SUZ12: variants seen among roughly 807,000 people sequenced by gnomAD.
SUZ12 encodes the protein polycomb protein SUZ12.
In SUZ12, 17 loss-of-function variants were observed where a neutral mutation model predicts 87.3. The observed-to-expected ratio is 0.19, with a 90% CI of 0.13 to 0.29. SUZ12 has a LOEUF of 0.29. Among genes scored for constraint, SUZ12 ranks in the 10% least tolerant of loss-of-function variants. The probability of loss-of-function intolerance (pLI) is 1.00; values close to 1 mark genes in which losing one functional copy is unlikely to be tolerated. For synonymous variants in SUZ12, 253 were observed against 312.4 expected (o/e 0.81, Z 2.01); for missense variants, 526 against 912.2 (o/e 0.58, Z 5.45).
chr17:31,990,632 T>C (rs1026410315), intron 10 of SUZ12, among the ~76,000 whole-genome samples: 2 of 152,136 alleles, frequency 1.3e-5, no homozygotes, highest in African/African-American at 2.4e-5. Flanking sequence ...CCCAAAGTAC[T>C]GGGATTACAG....
intron 8 of SUZ12, among the ~76,000 whole-genome samples, chr17:31,979,978 C>T (rs914955086): frequency 1.3e-5 from 2 of 151,466 alleles, no homozygotes; most frequent in African/African-American, 4.9e-5. Context: ...CACTGCTTCA[C>T]TTGACTAACC....
intron 4 of SUZ12, among the ~76,000 whole-genome samples, chr17:31,948,322 C>T (rs1440512059): frequency 2.6e-5 from 4 of 151,998 alleles, no homozygotes; most frequent in South Asian, 2.1e-4. Context: ...TATTTTTTGA[C>T]ACGTAAACTT....
rs945589660 is a variant in SUZ12, at chr17:31,999,674, A to G, written c.*671A>G. 3.9e-5 allele frequency: 9 copies of G among 231,318 alleles called. No homozygotes were observed. The highest frequency in any genetic ancestry group is 6.8e-5 in the Non-Finnish European group (8 of 117,208). 14.3% of individuals were successfully genotyped at this position (231,318 alleles called of 1,614,324 possible). On this transcript the variant is annotated 3_prime_UTR_variant, in exon 16 of 16. Coordinates refer to ENST00000322652, the MANE Select transcript of SUZ12 (RefSeq NM_015355.4). ...TTCACATTGTTGACAGTGAAATGCT[A>G]TGTTGGTTTATAAGATTACAGACCA...
chr17:31,982,766 A>G (rs1364406731), intron 8 of SUZ12, among the ~76,000 whole-genome samples: 2 of 152,210 alleles, frequency 1.3e-5, no homozygotes, highest in East Asian at 3.8e-4. Flanking sequence ...ACATGTTTAG[A>G]GTTATATCTG....
intron 5 of SUZ12, chr17:31,967,406 T>C (rs916981913): frequency 6.6e-6 from 1 of 152,100 alleles, no homozygotes; most frequent in African/African-American, 2.4e-5. Context: ...CCCAGCACTT[T>C]GGGAGGCTGA....
At chr17:31,998,110 C>G (rs376586630) in intron 15 of SUZ12, among the ~76,000 whole-genome samples, 203 of 147,446 alleles carry the variant, frequency 1.4e-3, no homozygotes, top group African/African-American at 4.8e-3. Flanking sequence ...GACGGAGTCT[C>G]TCTCTCTCGT....
At chr17:31,953,449 C>T (rs1049315109) in intron 4 of SUZ12, among the ~76,000 whole-genome samples, 1 of 151,950 alleles carries the variant, frequency 6.6e-6, no homozygotes, top group East Asian at 1.9e-4. Context: ...GCTTTGTCAC[C>T]GAGGCTGGAG....
intron 10 of SUZ12, among the ~76,000 whole-genome samples, chr17:31,989,793 T>G (rs1214016092): frequency 6.8e-6 from 1 of 147,390 alleles, no homozygotes; most frequent in Non-Finnish European, 1.5e-5. Context: ...GTATTTTTAG[T>G]AGAGACGGGG....
At chr17:31,943,682 A>C (rs1156497022) in intron 3 of SUZ12, among the ~76,000 whole-genome samples, 1 of 151,254 alleles carries the variant, frequency 6.6e-6, no homozygotes, top group Non-Finnish European at 1.5e-5. Context: ...GTAGAATTCG[A>C]CTAACTGTTT....
chr17:31,975,728 T>C lies in SUZ12; in HGVS notation c.823+15T>C, dbSNP rs768586981. On this transcript the variant is annotated intron_variant, in intron 7 of 15. Coordinates refer to ENST00000322652, the MANE Select transcript of SUZ12 (RefSeq NM_015355.4). The stretch of plus-strand genomic sequence containing the variant: ...TGAAAATATTGGTAATTTTTTTTTT[T>C]ACTAGATTTTATCACTGGAGACTAA... 1.3e-6 allele frequency: 2 copies of C among 1,560,194 alleles called. No homozygotes were observed. The highest frequency in any genetic ancestry group is 1.8e-6 in the Non-Finnish European group (2 of 1,140,442).
intron 10 of SUZ12, among the ~76,000 whole-genome samples, chr17:31,991,475 T>C (rs577681821): frequency 1.0e-3 from 154 of 152,104 alleles, no homozygotes; most frequent in African/African-American, 3.5e-3. Context: ...AAAGGTTGCA[T>C]CAAAACTAAG....
chr17:31,976,859 CTT>C (rs1908784430), intron 8 of SUZ12, among the ~76,000 whole-genome samples: 1 of 152,172 alleles, frequency 6.6e-6, no homozygotes, highest in Admixed American at 6.5e-5. Context: ...AGTGTCTACT[CTT>C]TGCCAGACAC....
At chr17:31,940,520 A>C (rs973781570) in intron 3 of SUZ12, 34 bp downstream of exon 3, 1 of 1,513,858 alleles carries the variant, frequency 6.6e-7, no homozygotes, top group African/African-American at 1.4e-5. Context: ...AAGCTGATCA[A>C]ACCATGTTAG....
Position 31,998,819 on chromosome 17 carries a change from C to T in SUZ12, c.2036C>T (p.Thr679Ile), listed in dbSNP as rs139363631. The T allele has an allele frequency of 2.0e-4, 319 of 1,613,624 alleles. 1 individual carries two copies. In the Middle Eastern group the frequency reaches 6.3e-3, roughly 32 times the overall value. ...ATAATGTCAATAGATAAAGCTGTTA[C>T]CAAGCTCCGTGAAATGCAGCAAAAA... ...ISIMSIDKAVTKLREMQQKLE... is the reference protein window; with the variant it reads ...ISIMSIDKAVIKLREMQQKLE... Residue 679 changes from threonine to isoleucine, a missense_variant, in exon 16 of 16, where the codon ACC becomes ATC. By Grantham distance (89) the Thr-to-Ile change is moderately conservative (BLOSUM62 -1). This residue lies in a region of SUZ12 where 143 missense variants were observed against 321.6 expected (regional missense o/e 0.44). Coordinates refer to ENST00000322652, the MANE Select transcript of SUZ12 (RefSeq NM_015355.4).
Position 31,975,732 on chromosome 17 carries a change from A to C in SUZ12, c.823+19A>C, listed in dbSNP as rs370825268. ...AATATTGGTAATTTTTTTTTTTACT[A>C]GATTTTATCACTGGAGACTAAGATG... On this transcript the variant is annotated intron_variant, in intron 7 of 15. Coordinates refer to ENST00000322652, the MANE Select transcript of SUZ12 (RefSeq NM_015355.4). The C allele has an allele frequency of 6.4e-7, 1 of 1,561,302 alleles. No homozygotes were observed. The highest frequency in any genetic ancestry group is 1.8e-5 in the Admixed American group (1 of 56,832).
chr17:31,967,955 C>T (rs1252698217), intron 5 of SUZ12, among the ~76,000 whole-genome samples: 1 of 152,180 alleles, frequency 6.6e-6, no homozygotes, highest in Non-Finnish European at 1.5e-5. Flanking sequence ...TAGCTTGAGG[C>T]TTGCCTGGGC....
intron 4 of SUZ12, among the ~76,000 whole-genome samples, chr17:31,964,286 A>G (rs755997728): frequency 0.067 from 10,096 of 150,344 alleles, no homozygotes; most frequent in African/African-American, 0.22. Flanking sequence ...TGGCCTCCCA[A>G]AATGCTGGGA....
rs576262262 is a variant in SUZ12 at position 31,989,584 on chromosome 17, TTTTTTTTTG to T, written c.1201+1104_1201+1112del. On this transcript the variant is annotated intron_variant, in intron 10 of 15. Coordinates refer to ENST00000322652, the MANE Select transcript of SUZ12 (RefSeq NM_015355.4). ...TACAAAGAGCTTTGGAACTAAGTTG[TTTTTTTTTG>T]TTTTTTTTGTTTTTTTGTTTTTTGA... Among the ~76,000 whole-genome samples the T allele has an allele frequency of 7.3e-3, 994 of 136,992 alleles. 10 individuals carry two copies. Among genetic ancestry groups the T allele is most frequent in the African/African-American group, 0.03 (934 of 31,438 alleles). The allele number at this position is 136,992 out of a possible 152,430, so 89.9% of individuals were successfully genotyped here.
At chr17:31,983,575 C>T (rs775224805) in intron 9 of SUZ12, among the ~76,000 whole-genome samples, 3 of 152,126 alleles carry the variant, frequency 2.0e-5, no homozygotes, top group Admixed American at 6.6e-5. Context: ...CCACTGCACC[C>T]GGCCACACGG....
Sources: allele counts gnomAD v4.1 joint callset (sites outside exome capture counted in the v4.1 genomes callset), GRCh38; gene constraint gnomAD v4.1.1; regional missense constraint gnomAD v4.1.1; transcripts MANE v1.5; gene names NCBI Gene and HGNC (gene_info 2026-07-23, HGNC 2026-07-21).